PREX2: variants seen among roughly 807,000 people sequenced by gnomAD.
The protein encoded by PREX2 is phosphatidylinositol-3,4,5-trisphosphate dependent Rac exchange factor 2, also known as phosphatidylinositol 3,4,5-trisphosphate-dependent Rac exchanger 2 protein.
In PREX2, 107 loss-of-function variants were observed where a neutral mutation model predicts 203.2. That is an observed-to-expected ratio of 0.53 (90% CI 0.45 to 0.62). The LOEUF (loss-of-function observed/expected upper bound fraction) is 0.62. Ranked by LOEUF, PREX2 falls within the 20% of genes least tolerant of loss-of-function variation. PREX2 has a pLI of 0.00. For synonymous variants in PREX2, 672 were observed against 663.6 expected (o/e 1.01, Z -0.19); for missense variants, 1,777 against 1,955.9 (o/e 0.91, Z 1.72).
At chr8:68,202,296 T>C (rs1812521652) in intron 37 of PREX2, among the ~76,000 whole-genome samples, 1 of 152,122 alleles carries the variant, frequency 6.6e-6, no homozygotes, top group African/African-American at 2.4e-5. Context: ...TCCTGTGCTC[T>C]TGCTGGGTGG....
chr8:67,973,106 T>C (rs774361381), intron 1 of PREX2, among the ~76,000 whole-genome samples: 6 of 152,186 alleles, frequency 3.9e-5, no homozygotes, highest in Non-Finnish European at 5.9e-5. Context: ...TCACTAGATA[T>C]ACCCCTTTCT....
At chr8:67,977,150 C>T (rs896603482) in intron 1 of PREX2, among the ~76,000 whole-genome samples, 1 of 152,150 alleles carries the variant, frequency 6.6e-6, no homozygotes, top group Non-Finnish European at 1.5e-5. Context: ...AGGGTAGGGC[C>T]TTATGAATAG....
At chr8:68,069,959 C>A in intron 13 of PREX2, 75 bp downstream of exon 13, 1 of 763,366 alleles carries the variant, frequency 1.3e-6, no homozygotes, top group Non-Finnish European at 2.1e-6. Context: ...TATTATTCAG[C>A]CAGAACTTGT....
In PREX2 at chr8:68,234,953, G is replaced by T. The variant is rs1813236773; in HGVS notation, c.*3575G>T. 1 of 151,912 alleles carries T rather than the reference G, an allele frequency of 6.6e-6. No individual in the cohort carries two copies. The highest frequency in any genetic ancestry group is 1.5e-5 in the Non-Finnish European group (1 of 67,976). The allele number at this position is 151,912 out of a possible 1,614,324, so 9.4% of individuals were successfully genotyped here. On this transcript the variant is annotated 3_prime_UTR_variant, in exon 40 of 40. Coordinates refer to ENST00000288368, the MANE Select transcript of PREX2 (RefSeq NM_024870.4). Reference sequence around the variant, plus strand: ...ACTTTGAGAGCCAAAAAAATGAATGGGTAAACAAAGCCTAAGGGTCATGTT... The same window carrying T: ...ACTTTGAGAGCCAAAAAAATGAATGTGTAAACAAAGCCTAAGGGTCATGTT...
intron 39 of PREX2, among the ~76,000 whole-genome samples, chr8:68,227,578 A>G (rs1486071900): frequency 6.6e-6 from 1 of 152,184 alleles, no homozygotes; most frequent in African/African-American, 2.4e-5. Context: ...AGGTAGGTGA[A>G]GACACAGAAA....
At chr8:68,191,873 T>C in intron 36 of PREX2, 85 bp downstream of exon 36, 2 of 897,694 alleles carry the variant, frequency 2.2e-6, no homozygotes, top group Non-Finnish European at 3.6e-6. Flanking sequence ...TGCAGAAAAA[T>C]TAATCTAAGT....
At chr8:68,090,031 A>G (rs1438349701) in intron 19 of PREX2, among the ~76,000 whole-genome samples, 1 of 152,176 alleles carries the variant, frequency 6.6e-6, no homozygotes, top group Non-Finnish European at 1.5e-5. Flanking sequence ...ACAAATTCCC[A>G]TCTTTCTGAC....
At chr8:67,965,378 G>A (rs188741025) in intron 1 of PREX2, among the ~76,000 whole-genome samples, 2 of 152,128 alleles carry the variant, frequency 1.3e-5, no homozygotes, top group Admixed American at 1.3e-4. Flanking sequence ...TGAACCCTTG[G>A]CTTTGTGTTT....
At chr8:68,194,683 C>T (rs1466310204) in intron 37 of PREX2, among the ~76,000 whole-genome samples, 1 of 151,804 alleles carries the variant, frequency 6.6e-6, no homozygotes, top group East Asian at 1.9e-4. Flanking sequence ...TGCCTGTAGT[C>T]CCAGCTACTC....
At chr8:68,032,962 G>T (rs1186334693) in intron 6 of PREX2, among the ~76,000 whole-genome samples, 3 of 152,136 alleles carry the variant, frequency 2.0e-5, no homozygotes, top group Non-Finnish European at 4.4e-5. Context: ...GGAGGACATT[G>T]TTCCTTCAGT....
intron 31 of PREX2, among the ~76,000 whole-genome samples, chr8:68,127,672 A>G (rs1343807293): frequency 6.6e-6 from 1 of 151,856 alleles, no homozygotes; most frequent in Non-Finnish European, 1.5e-5. Context: ...GAAAACATAT[A>G]TGAATATAGA....
At chr8:67,979,671 T>G (rs555006037) in intron 1 of PREX2, among the ~76,000 whole-genome samples, 20 of 152,216 alleles carry the variant, frequency 1.3e-4, no homozygotes, top group Non-Finnish European at 2.5e-4. Flanking sequence ...TATAAAAGAT[T>G]AAAGAGTCTT....
chr8:68,199,016 G>A (rs566862667), intron 37 of PREX2, among the ~76,000 whole-genome samples: 2 of 152,238 alleles, frequency 1.3e-5, no homozygotes, highest in Admixed American at 1.3e-4. Flanking sequence ...TTCGTGCTTT[G>A]TTACGAGGGT....
intron 30 of PREX2, among the ~76,000 whole-genome samples, chr8:68,125,648 G>T (rs572625228): frequency 2.6e-5 from 4 of 152,198 alleles, no homozygotes; most frequent in Admixed American, 1.3e-4. Flanking sequence ...TCAGCTGAAT[G>T]AAGAGATTTT....
chr8:68,036,536 T>C (rs538280086), intron 6 of PREX2, among the ~76,000 whole-genome samples: 3 of 152,290 alleles, frequency 2.0e-5, no homozygotes, highest in African/African-American at 7.2e-5. Context: ...TTTTGTGAAA[T>C]TGCTATAAAT....
intron 35 of PREX2, among the ~76,000 whole-genome samples, chr8:68,169,020 G>T (rs1479294758): frequency 6.6e-6 from 1 of 151,858 alleles, no homozygotes; most frequent in Admixed American, 6.6e-5. Context: ...ATACTGACTT[G>T]GCTCGTCTAA....
chr8:67,973,873 G>A (rs1020609562), intron 1 of PREX2, among the ~76,000 whole-genome samples: 5 of 152,172 alleles, frequency 3.3e-5, no homozygotes, highest in African/African-American at 1.2e-4. Context: ...AAATGTGAAA[G>A]TGGAATCTAA....
intron 1 of PREX2, among the ~76,000 whole-genome samples, chr8:67,987,808 G>T (rs1216827119): frequency 1.3e-5 from 2 of 152,066 alleles, no homozygotes; most frequent in Non-Finnish European, 2.9e-5. Context: ...TTCCTTCTCT[G>T]TGCTCTGTAA....
In PREX2 at chr8:68,134,768, A is replaced by C. The variant is rs866345226; in HGVS notation, c.3984+492A>C. 1.2e-4 allele frequency among the ~76,000 whole-genome samples: 19 copies of C among 152,322 alleles called. No individual in the cohort carries two copies. The South Asian group carries it at 3.9e-3, about 32-fold the overall frequency. Reference sequence around the variant, plus strand: ...AATTTTAGTTCTTTTCTTTGTATGCATGTTTGTCCTGTTAAATCGAAGAGC... The same window carrying C: ...AATTTTAGTTCTTTTCTTTGTATGCCTGTTTGTCCTGTTAAATCGAAGAGC... On this transcript the variant is annotated intron_variant, in intron 32 of 39. Transcript: ENST00000288368.
Sources: allele counts gnomAD v4.1 joint callset (sites outside exome capture counted in the v4.1 genomes callset), GRCh38; gene constraint gnomAD v4.1.1; transcripts MANE v1.5; gene names NCBI Gene and HGNC (gene_info 2026-07-23, HGNC 2026-07-21).